Variants in PIEZO2 observed in about 807,000 individuals in gnomAD.
PIEZO2 encodes the protein piezo-type mechanosensitive ion channel component 2.
Under a neutral mutation model 337.3 loss-of-function variants are expected in PIEZO2, and 172 were observed. The ratio of observed to expected loss-of-function variants is 0.51; its 90% CI spans 0.45 to 0.58. PIEZO2 has a LOEUF of 0.58. Among genes scored for constraint, PIEZO2 ranks in the 20% least tolerant of loss-of-function variants. PIEZO2 has a pLI of 0.00. For synonymous variants in PIEZO2, 1,251 were observed against 1,228.5 expected, an observed-to-expected ratio of 1.02 and a Z score of -0.38; for missense variants, 3,028 against 3,391.3, an observed-to-expected ratio of 0.89 and a Z score of 2.66.
rs1297388635 is a variant in PIEZO2 at position 10,943,429 on chromosome 18, G to A, written c.287-32201C>T. 6.6e-6 allele frequency among the ~76,000 whole-genome samples: 1 copy of A among 152,186 alleles called. No individual in the cohort carries two copies. The highest frequency in any genetic ancestry group is 1.9e-4 in the East Asian group (1 of 5,190). On this transcript the variant is annotated intron_variant, in intron 3 of 55. Coordinates refer to ENST00000674853, the MANE Select transcript of PIEZO2 (RefSeq NM_001378183.1). This position sits in a 1 kb window ranked among gnomAD's most constrained non-coding sequence, Gnocchi z 4.5. ...CTGGATGTGAGACATCGAGTCACAG[G>A]AGACCATTTCGGAGCTTTAAGATTT... is the stretch of plus-strand genomic sequence containing the variant.
rs1405457218 is a variant in PIEZO2, at chr18:11,109,284, G to A, written c.64+39241C>T. Among the ~76,000 whole-genome samples the A allele has an allele frequency of 6.6e-6, 1 of 152,182 alleles. No individual in the cohort carries two copies. Among genetic ancestry groups the A allele is most frequent in the Non-Finnish European group, 1.5e-5 (1 of 68,042 alleles). ...GTAAAAAGCTCCAGTCAAAGGTATTGCTGAATTAAATCACCTTAGCAAATC... is the reference window on the plus strand; with the variant it reads ...GTAAAAAGCTCCAGTCAAAGGTATTACTGAATTAAATCACCTTAGCAAATC... On this transcript the variant is annotated intron_variant, in intron 1 of 55. Transcript: ENST00000674853. This position sits in a 1 kb window ranked among gnomAD's most constrained non-coding sequence, Gnocchi z 5.1.
chr18:10,702,612 T>C (rs1014400397), intron 42 of PIEZO2, among the ~76,000 whole-genome samples: 1 of 152,242 alleles, frequency 6.6e-6, no homozygotes, highest in Non-Finnish European at 1.5e-5. Flanking sequence ...ACGGTTAGGA[T>C]GTATGTAGTT....
chr18:10,803,756 A>G (rs2039903039), intron 9 of PIEZO2, 119 bp downstream of exon 9: 2 of 1,298,394 alleles, frequency 1.5e-6, no homozygotes, highest in African/African-American at 1.5e-5. Flanking sequence ...CACTGTTTCT[A>G]TAAACTACAA....
At chr18:10,941,155 GAA>G (rs200151118) in intron 3 of PIEZO2, among the ~76,000 whole-genome samples, 50 of 151,690 alleles carry the variant, frequency 3.3e-4, no homozygotes, top group African/African-American at 1.2e-3. Context: ...ACTAAAAAAT[GAA>G]AAAAAATGTT....
intron 52 of PIEZO2, among the ~76,000 whole-genome samples, chr18:10,679,461 T>A (rs2034165118): frequency 6.6e-6 from 1 of 152,244 alleles, no homozygotes. Context: ...AGGAGCAGGA[T>A]ATTGATTTTT....
chr18:10,970,206 C>T (rs2034177239), intron 3 of PIEZO2, among the ~76,000 whole-genome samples: 1 of 152,150 alleles, frequency 6.6e-6, no homozygotes, highest in Admixed American at 6.5e-5. Context: ...GAAGAATGGA[C>T]CTGGCAGAGG....
chr18:10,719,025 A>T (rs1165269080), intron 36 of PIEZO2, among the ~76,000 whole-genome samples: 1 of 149,960 alleles, frequency 6.7e-6, no homozygotes, highest in African/African-American at 2.5e-5. Flanking sequence ...AAATAAATAA[A>T]TTTGCTATGA....
chr18:10,726,346 C>G lies in PIEZO2; in HGVS notation c.5029+5061G>C. On this transcript the variant is annotated intron_variant, in intron 36 of 55. Transcript: ENST00000674853. This position sits in a 1 kb window ranked among gnomAD's most constrained non-coding sequence, Gnocchi z 5.9. ...CCCCGAACGCCCCGCCCAGCGCTGC[C>G]TCCCTTCGCCTTCCCCGCAGGCACC... The G allele has an allele frequency of 6.7e-7, 1 of 1,493,968 alleles. No homozygotes were observed. Among genetic ancestry groups the G allele is most frequent in the Non-Finnish European group, 8.9e-7 (1 of 1,123,258 alleles). The allele number at this position is 1,493,968 out of a possible 1,614,324, so 92.5% of individuals were successfully genotyped here.
In PIEZO2 at chr18:10,677,581, G is replaced by A; in HGVS notation, c.8081+166C>T. 2 of 761,418 alleles carry A rather than the reference G, an allele frequency of 2.6e-6. No individual in the cohort carries two copies. Among genetic ancestry groups the A allele is most frequent in the South Asian group, 3.6e-5 (2 of 55,520 alleles). The allele number at this position is 761,418 out of a possible 1,614,324, so 47.2% of individuals were successfully genotyped here. ...AGTGGACAGAAAACTCCATAGCTGA[G>A]ATTAAGTTTCTTTAATCTTGCAAAA... On this transcript the variant is annotated intron_variant, in intron 53 of 55. Transcript: ENST00000674853. This position sits in a 1 kb window ranked among gnomAD's most constrained non-coding sequence, Gnocchi z 4.1.
chr18:10,916,572 T>C (rs1373785532), intron 3 of PIEZO2, among the ~76,000 whole-genome samples: 1 of 152,120 alleles, frequency 6.6e-6, no homozygotes, highest in Non-Finnish European at 1.5e-5. Flanking sequence ...AGCAGGCCGC[T>C]CTGAGTGTGG....
At chr18:10,802,359 A>C (rs1283195166) in intron 9 of PIEZO2, among the ~76,000 whole-genome samples, 5 of 152,176 alleles carry the variant, frequency 3.3e-5, no homozygotes, top group African/African-American at 4.8e-5. Flanking sequence ...TGTGGGTTCT[A>C]TCTATCAATT....
At chr18:10,687,403 C>T (rs2034593369) in intron 49 of PIEZO2, among the ~76,000 whole-genome samples, 2 of 152,090 alleles carry the variant, frequency 1.3e-5, no homozygotes, top group Admixed American at 1.3e-4. Flanking sequence ...GTCCACTGAG[C>T]CATCAGTTCC....
At chr18:10,934,682 T>TGTGTGTGTGTGTGTGTGTGTGTGTG (rs57395445) in intron 3 of PIEZO2, among the ~76,000 whole-genome samples, 1 of 142,998 alleles carries the variant, frequency 7.0e-6, no homozygotes, top group African/African-American at 2.6e-5. Flanking sequence ...TGTGTGTGTG[T>TGTGTGTGTGTGTGTGTGTGTGTGTG]TGGGCTCCTT....
intron 3 of PIEZO2, among the ~76,000 whole-genome samples, chr18:10,912,376 C>T (rs554803087): frequency 6.6e-6 from 1 of 152,290 alleles, no homozygotes; most frequent in African/African-American, 2.4e-5. Context: ...TAAACATATT[C>T]TGATTTCAGT....
chr18:11,012,934 C>T (rs2035955617), intron 2 of PIEZO2, among the ~76,000 whole-genome samples: 1 of 152,000 alleles, frequency 6.6e-6, no homozygotes, highest in Non-Finnish European at 1.5e-5. Flanking sequence ...GTCTCAGGTA[C>T]TTTGGAGGCT....
intron 3 of PIEZO2, among the ~76,000 whole-genome samples, chr18:10,927,857 T>C (rs2145173540): frequency 6.6e-6 from 1 of 152,302 alleles, no homozygotes; most frequent in South Asian, 2.1e-4. Flanking sequence ...CTTTATTTTA[T>C]TTTATACTCT....
chr18:10,852,975 A>C lies in PIEZO2; in HGVS notation c.917+2378T>G, dbSNP rs549842026. ...AAGGCAGTCTCCCAATATACAGAAA[A>C]AAAACAAAACTGGTGATCAACAGTT... On this transcript the variant is annotated intron_variant, in intron 7 of 55. Coordinates refer to ENST00000674853, the MANE Select transcript of PIEZO2 (RefSeq NM_001378183.1). 2.6e-5 allele frequency among the ~76,000 whole-genome samples: 4 copies of C among 152,324 alleles called. No individual in the cohort carries two copies. In the East Asian group the frequency reaches 7.7e-4, roughly 29 times the overall value.
intron 4 of PIEZO2, among the ~76,000 whole-genome samples, chr18:10,886,366 A>ATGTGTGTGTG (rs1441047178): frequency 2.0e-4 from 1 of 4,950 alleles, no homozygotes; most frequent in Non-Finnish European, 3.1e-4. Flanking sequence ...ACACACATAT[A>ATGTGTGTGTG]TATGTGTGTG....
rs192430170 is a variant in PIEZO2, at chr18:11,085,775, A to T, written c.65-19553T>A. On this transcript the variant is annotated intron_variant, in intron 1 of 55. Transcript: ENST00000674853. ...ATCACTATGAAAATATAGAAAAAAA[A>T]TTTTTTTTAAAGCTTACTTAAATTG... Among the ~76,000 whole-genome samples the T allele has an allele frequency of 4.9e-4, 74 of 151,670 alleles. No homozygotes were observed. The East Asian group carries it at 0.011, about 24-fold the overall frequency.
Sources: allele counts gnomAD v4.1 joint callset (sites outside exome capture counted in the v4.1 genomes callset), GRCh38; gene constraint gnomAD v4.1.1; non-coding constraint Gnocchi (gnomAD v3.1); transcripts MANE v1.5; gene names NCBI Gene and HGNC (gene_info 2026-07-23, HGNC 2026-07-21).